FAF1: variants seen among roughly 807,000 people sequenced by gnomAD.
FAF1 encodes the protein Fas associated factor 1.
A neutral mutation model predicts 92.5 loss-of-function variants in FAF1; 25 were observed. The ratio of observed to expected loss-of-function variants is 0.27; its 90% CI spans 0.20 to 0.38. The LOEUF is 0.38. FAF1 is among the 10% of genes least tolerant of loss of function. The pLI is 1.00. For missense variants in FAF1, 636 were observed against 793.3 expected (o/e 0.80, Z 2.38); for synonymous variants, 234 against 273.2 (o/e 0.86, Z 1.42).
chr1:50,846,937 TAA>T lies in FAF1; in HGVS notation c.114+10990_114+10991del, dbSNP rs1644306572. ...GTTTACAAGCTTGGCCTTTTATATA[TAA>T]GAGTGTATTGCAGGTGCTGTTTGAT... On this transcript the variant is annotated intron_variant, in intron 2 of 18. Coordinates refer to ENST00000396153, the MANE Select transcript of FAF1 (RefSeq NM_007051.3). 2.3e-5 allele frequency: 7 copies of T among 298,650 alleles called. No homozygotes were observed. The South Asian group carries it at 2.5e-4, about 10-fold the overall frequency. 18.5% of individuals were successfully genotyped at this position (298,650 alleles called of 1,614,324 possible).
chr1:50,622,488 G>A lies in FAF1; in HGVS notation c.745-26272C>T, dbSNP rs139335419. Among the ~76,000 whole-genome samples, 476 of 152,220 alleles carry A rather than the reference G, an allele frequency of 3.1e-3. 2 individuals carry two copies. The highest frequency in any genetic ancestry group is 6.2e-3 in the Admixed American group (94 of 15,278). On this transcript the variant is annotated intron_variant, in intron 8 of 18. Transcript: ENST00000396153. ...GATTTGGTCTCTCTCGGTAGAAGTG[G>A]CACTTCCAGGCCGCATTTAGTTAGC...
chr1:50,542,045 T>C (rs1167352174), intron 13 of FAF1, among the ~76,000 whole-genome samples: 1 of 152,216 alleles, frequency 6.6e-6, no homozygotes, highest in African/African-American at 2.4e-5. Context: ...TGATCAATTT[T>C]CTGCTAGTTA....
At chr1:50,799,590 T>A (rs529718757) in intron 3 of FAF1, among the ~76,000 whole-genome samples, 8 of 152,272 alleles carry the variant, frequency 5.3e-5, no homozygotes, top group African/African-American at 1.7e-4. Context: ...GAATTTAGTA[T>A]CAACACATGT....
chr1:50,754,435 G>C (rs1367033190), intron 4 of FAF1, among the ~76,000 whole-genome samples: 1 of 152,152 alleles, frequency 6.6e-6, no homozygotes, highest in Non-Finnish European at 1.5e-5. Flanking sequence ...TAGCTGGTAG[G>C]AACAGACACT....
chr1:50,672,667 A>G (rs1655951322), intron 7 of FAF1, among the ~76,000 whole-genome samples: 1 of 152,230 alleles, frequency 6.6e-6, no homozygotes, highest in African/African-American at 2.4e-5. Context: ...AGTAGAAAAT[A>G]TAGAGCAACA....
At chr1:50,446,910 T>C (rs1646233293) in intron 18 of FAF1, among the ~76,000 whole-genome samples, 3 of 150,884 alleles carry the variant, frequency 2.0e-5, no homozygotes, top group African/African-American at 7.3e-5. Context: ...ACCCAGAGAC[T>C]GGATTTGTCT....
At chr1:50,716,600 C>T (rs922597905) in intron 6 of FAF1, among the ~76,000 whole-genome samples, 5 of 152,174 alleles carry the variant, frequency 3.3e-5, no homozygotes, top group Non-Finnish European at 5.9e-5. Context: ...AATCAGAGCT[C>T]TGTGTCTAGC....
At chr1:50,900,052 C>T (rs1644784368) in intron 1 of FAF1, among the ~76,000 whole-genome samples, 1 of 152,088 alleles carries the variant, frequency 6.6e-6, no homozygotes, top group Admixed American at 6.6e-5. Flanking sequence ...ACTTTTTCTT[C>T]ATTTTTTGTT....
chr1:50,609,869 AC>A (rs1652610302), intron 8 of FAF1, among the ~76,000 whole-genome samples: 1 of 152,114 alleles, frequency 6.6e-6, no homozygotes, highest in Non-Finnish European at 1.5e-5. Context: ...AATAAAGAGA[AC>A]AACTTATGTT....
rs1392173490 is a variant in FAF1 at position 50,744,693 on chromosome 1, C to A, written c.450G>T (p.Val150=). The change falls in exon 5 of 19, where the codon GTG becomes GTT. Residue 150 remains valine, a synonymous_variant. Coordinates refer to ENST00000396153, the MANE Select transcript of FAF1 (RefSeq NM_007051.3). ...MLLKGWKTGD[V]EDSTVLKSLH... is the part of the protein sequence containing the mutation. ...CAATTAAGAAACTCACACTGTCTTC[C>A]ACATCTCCCGTCTTCCAGCCTTTTA... The A allele has an allele frequency of 6.2e-7, 1 of 1,600,606 alleles. No homozygotes were observed. Among genetic ancestry groups the A allele is most frequent in the Non-Finnish European group, 8.5e-7 (1 of 1,171,232 alleles).
At chr1:50,752,756 C>T (rs1358535627) in intron 4 of FAF1, among the ~76,000 whole-genome samples, 1 of 152,156 alleles carries the variant, frequency 6.6e-6, no homozygotes, top group Admixed American at 6.5e-5. Flanking sequence ...GATCTCAACT[C>T]ACTGCAGCCT....
chr1:50,583,704 C>T lies in FAF1; in HGVS notation c.979G>A (p.Ala327Thr), dbSNP rs1289298857. 63 of 1,562,690 alleles carry T rather than the reference C, an allele frequency of 4.0e-5. No individual in the cohort carries two copies. The highest frequency in any genetic ancestry group is 4.9e-5 in the Non-Finnish European group (56 of 1,150,880). Residue 327 changes from alanine to threonine, a missense_variant, in exon 11 of 19, where the codon GCA becomes ACA. By Grantham distance (58) the Ala-to-Thr change is moderately conservative. Around this residue, in one of 2 missense-constraint regions of FAF1, gnomAD observed 319 missense variants for 451.0 expected, o/e 0.71. Coordinates refer to ENST00000396153, the MANE Select transcript of FAF1 (RefSeq NM_007051.3). The surrounding 1 kb of genome is among the most constrained non-coding windows in gnomAD (Gnocchi z 4.2). ...LRKSPMMPENAENEGDALLQF... is the reference protein window; with the variant it reads ...LRKSPMMPENTENEGDALLQF... ...AATAAGGCATCTCCTTCATTTTCTGCGTTTTCTGGCACTAAAAAACAAACA... is the reference window on the plus strand; with the variant it reads ...AATAAGGCATCTCCTTCATTTTCTGTGTTTTCTGGCACTAAAAAACAAACA...
At chr1:50,933,542 C>T (rs569694359) in intron 1 of FAF1, among the ~76,000 whole-genome samples, 3 of 152,310 alleles carry the variant, frequency 2.0e-5, no homozygotes, top group African/African-American at 7.2e-5. Flanking sequence ...CAAAGCCATT[C>T]GACAAGTCTC....
intron 2 of FAF1, among the ~76,000 whole-genome samples, chr1:50,841,682 T>C (rs965779928): frequency 6.6e-6 from 1 of 151,932 alleles, no homozygotes; most frequent in Admixed American, 6.6e-5. Flanking sequence ...AAAAACAACA[T>C]TTTGAAGTAG....
At chr1:50,687,241 T>G (rs568429331) in intron 7 of FAF1, among the ~76,000 whole-genome samples, 2 of 152,110 alleles carry the variant, frequency 1.3e-5, no homozygotes, top group Non-Finnish European at 2.9e-5. Context: ...AAGCTCTCAG[T>G]TCTCCATTTC....
At chr1:50,827,574 C>T (rs897476216) in intron 2 of FAF1, among the ~76,000 whole-genome samples, 7 of 152,046 alleles carry the variant, frequency 4.6e-5, no homozygotes, top group Non-Finnish European at 1.0e-4. Context: ...CCACTATTAT[C>T]CTATGACCCT....
intron 1 of FAF1, among the ~76,000 whole-genome samples, chr1:50,897,013 A>G (rs766747198): frequency 3.5e-4 from 53 of 152,356 alleles, no homozygotes; most frequent in South Asian, 1.0e-3. Flanking sequence ...ACATACCAGC[A>G]ATAAACAAGT....
chr1:50,577,191 T>C (rs1363865654), intron 12 of FAF1, among the ~76,000 whole-genome samples: 2 of 152,234 alleles, frequency 1.3e-5, no homozygotes, highest in Non-Finnish European at 2.9e-5. Flanking sequence ...TAAGTTTTTC[T>C]CATCATTTAA....
At chr1:50,652,865 T>C (rs1236292675) in intron 8 of FAF1, among the ~76,000 whole-genome samples, 2 of 152,198 alleles carry the variant, frequency 1.3e-5, no homozygotes, top group Non-Finnish European at 2.9e-5. Flanking sequence ...TGTCGACTCA[T>C]TTACTGAGTG....
Sources: gnomAD v4.1 joint callset for allele counts (sites outside exome capture counted in the v4.1 genomes callset) on GRCh38, gnomAD v4.1.1 for gene constraint, gnomAD v4.1.1 regional missense constraint, Gnocchi (gnomAD v3.1) non-coding constraint, MANE v1.5 for transcripts, NCBI Gene and HGNC (gene_info 2026-07-23, HGNC 2026-07-21) for gene names.